The following KIRREL3 variants were observed in gnomAD, a reference collection of about 807,000 sequenced individuals.
The protein encoded by KIRREL3 is kin of IRRE-like protein 3.
Under a neutral mutation model 89.7 loss-of-function variants are expected in KIRREL3, and 36 were observed. The observed-to-expected ratio is 0.40, with a 90% confidence interval of 0.31 to 0.53. The LOEUF is 0.53. Among genes scored for constraint, KIRREL3 ranks in the 20% least tolerant of loss-of-function variants. The pLI is 0.49. For missense variants in KIRREL3, 864 were observed against 1,056.6 expected (o/e 0.82, Z 2.53); for synonymous variants, 445 against 441.4 (o/e 1.01, Z -0.10).
At position 126,571,084 on chromosome 11, in the gene KIRREL3, T is replaced by G. The variant is rs1421253709; in HGVS notation, c.56-8172A>C. On this transcript the variant is annotated intron_variant, in intron 1 of 16. Transcript: ENST00000525144. This position sits in a 1 kb window ranked among gnomAD's most constrained non-coding sequence, Gnocchi z 7.7. The stretch of plus-strand genomic sequence containing the variant: ...TGAGGCTTGCCGTACACCTCCATGT[T>G]GGTGCTTGTTGGTGCGTCGTGCCAT... Among the ~76,000 whole-genome samples the G allele has an allele frequency of 6.6e-6, 1 of 152,192 alleles. No homozygotes were observed. The highest frequency in any genetic ancestry group is 6.5e-5 in the Admixed American group (1 of 15,282).
At chr11:126,901,645 A>G (rs1473184105) in intron 1 of KIRREL3, among the ~76,000 whole-genome samples, 2 of 152,200 alleles carry the variant, frequency 1.3e-5, no homozygotes, top group African/African-American at 4.8e-5. Flanking sequence ...TTAAGTCACA[A>G]CTTGGATGTC....
In KIRREL3 at chr11:126,900,581, C is replaced by T. The variant is rs1463178933; in HGVS notation, c.55+99874G>A. On this transcript the variant is annotated intron_variant, in intron 1 of 16. Transcript: ENST00000525144. The surrounding 1 kb of genome is among the most constrained non-coding windows in gnomAD (Gnocchi z 4.4). ...AAAAAAATAGATTTAAGATAATGGC[C>T]CTATTCTCCTCAGAATAAATTAAGC... 2.6e-5 allele frequency among the ~76,000 whole-genome samples: 4 copies of T among 152,138 alleles called. No individual in the cohort carries two copies. Among genetic ancestry groups the T allele is most frequent in the African/African-American group, 9.7e-5 (4 of 41,422 alleles).
chr11:126,914,155 G>A (rs1946941410), intron 1 of KIRREL3, among the ~76,000 whole-genome samples: 1 of 152,194 alleles, frequency 6.6e-6, no homozygotes, highest in African/African-American at 2.4e-5. Flanking sequence ...TCATGAGGAA[G>A]GAATGTCTCG....
intron 2 of KIRREL3, among the ~76,000 whole-genome samples, chr11:126,534,175 A>G (rs1326371081): frequency 2.7e-5 from 4 of 150,184 alleles, no homozygotes; most frequent in Non-Finnish European, 4.4e-5. Context: ...AGGTGTTGGA[A>G]GCCTTGGCCA....
chr11:126,510,462 T>TTCCTTCCC (rs1565511036), intron 4 of KIRREL3, among the ~76,000 whole-genome samples: 1 of 150,818 alleles, frequency 6.6e-6, no homozygotes, highest in Non-Finnish European at 1.5e-5. Context: ...CCTTCCTTCC[T>TTCCTTCCC]TCCTTCCTTT....
intron 4 of KIRREL3, among the ~76,000 whole-genome samples, chr11:126,497,961 C>A (rs1957728990): frequency 7.1e-6 from 1 of 140,360 alleles, no homozygotes; most frequent in Non-Finnish European, 1.6e-5. Flanking sequence ...ATACACACAG[C>A]CCCTTCCTAA....
At chr11:126,582,695 G>T (rs953814651) in intron 1 of KIRREL3, among the ~76,000 whole-genome samples, 1 of 152,138 alleles carries the variant, frequency 6.6e-6, no homozygotes, top group African/African-American at 2.4e-5. Context: ...GAAGGTCACC[G>T]AGTATTTGCA....
At chr11:126,681,132 G>T (rs1946434532) in intron 1 of KIRREL3, among the ~76,000 whole-genome samples, 1 of 152,150 alleles carries the variant, frequency 6.6e-6, no homozygotes, top group African/African-American at 2.4e-5. Context: ...CTCCCAGGTG[G>T]CAAAATGTGA....
intron 1 of KIRREL3, among the ~76,000 whole-genome samples, chr11:126,700,204 AAAAGAG>A (rs1230323339): frequency 2.6e-5 from 4 of 152,022 alleles, no homozygotes; most frequent in Admixed American, 6.5e-5. Flanking sequence ...AAAAAAAAAA[AAAAGAG>A]AGAGAGAGAT....
chr11:126,845,524 G>A (rs1944108890), intron 1 of KIRREL3, among the ~76,000 whole-genome samples: 1 of 152,128 alleles, frequency 6.6e-6, no homozygotes, highest in Non-Finnish European at 1.5e-5. Flanking sequence ...AGGATAGAAT[G>A]AGGGCCTAGG....
intron 2 of KIRREL3, among the ~76,000 whole-genome samples, chr11:126,542,063 G>A (rs962259997): frequency 9.2e-5 from 14 of 152,228 alleles, no homozygotes; most frequent in Non-Finnish European, 2.9e-5. Context: ...CAAAGGCCCT[G>A]TGCAGTTTTG....
chr11:127,002,458 C>T (rs1425589646), upstream of KIRREL3, among the ~76,000 whole-genome samples: 1 of 152,168 alleles, frequency 6.6e-6, no homozygotes, highest in Non-Finnish European at 1.5e-5. Context: ...GTCCATTAGC[C>T]TGGTGTAACA....
Position 126,917,014 on chromosome 11 carries a change from T to C in KIRREL3, c.55+83441A>G, listed in dbSNP as rs1409507215. Among the ~76,000 whole-genome samples the C allele has an allele frequency of 6.6e-6, 1 of 152,234 alleles. No homozygotes were observed. The highest frequency in any genetic ancestry group is 1.5e-5 in the Non-Finnish European group (1 of 68,050). The stretch of plus-strand genomic sequence containing the variant: ...TTTTAACTTGTACACCAATGTTCAT[T>C]GCAGCAGTATTCATAATAACCAAAA... On this transcript the variant is annotated intron_variant, in intron 1 of 16. Coordinates refer to ENST00000525144, the MANE Select transcript of KIRREL3 (RefSeq NM_032531.4). The surrounding 1 kb of genome is among the most constrained non-coding windows in gnomAD (Gnocchi z 5.0).
intron 1 of KIRREL3, among the ~76,000 whole-genome samples, chr11:126,699,755 T>C (rs1947240153): frequency 6.6e-6 from 1 of 152,226 alleles, no homozygotes; most frequent in Non-Finnish European, 1.5e-5. Context: ...GAGAAAAAAT[T>C]GTATGTATAA....
chr11:126,538,394 A>G (rs1938088527), intron 2 of KIRREL3, among the ~76,000 whole-genome samples: 1 of 152,182 alleles, frequency 6.6e-6, no homozygotes, highest in South Asian at 2.1e-4. Flanking sequence ...AAATAGGAAG[A>G]AGGGAAGGAG....
At chr11:126,980,903 C>CCA (rs1565474960) in intron 1 of KIRREL3, among the ~76,000 whole-genome samples, 2 of 152,140 alleles carry the variant, frequency 1.3e-5, no homozygotes. Flanking sequence ...GAATTAGCCA[C>CCA]CAGAATGGGT....
intron 1 of KIRREL3, among the ~76,000 whole-genome samples, chr11:126,746,564 C>T (rs1949158849): frequency 6.6e-6 from 1 of 152,134 alleles, no homozygotes; most frequent in Non-Finnish European, 1.5e-5. Context: ...GAAACCTCAA[C>T]CTCCTTACAT....
chr11:126,840,013 C>T (rs1205294339), intron 1 of KIRREL3, among the ~76,000 whole-genome samples: 1 of 152,140 alleles, frequency 6.6e-6, no homozygotes, highest in Non-Finnish European at 1.5e-5. Flanking sequence ...ATCGACTTCT[C>T]ACTAGGGACA....
intron 1 of KIRREL3, among the ~76,000 whole-genome samples, chr11:126,848,650 T>A (rs1358218322): frequency 6.6e-6 from 1 of 152,218 alleles, no homozygotes; most frequent in Admixed American, 6.5e-5. Context: ...TTAGTTTACA[T>A]GGGATAATTT....
Sources: gnomAD v4.1 joint callset for allele counts (sites outside exome capture counted in the v4.1 genomes callset) on GRCh38, gnomAD v4.1.1 for gene constraint, Gnocchi (gnomAD v3.1) non-coding constraint, MANE v1.5 for transcripts, NCBI Gene and HGNC (gene_info 2026-07-23, HGNC 2026-07-21) for gene names.